The following NEAT1 variants were observed in gnomAD, a reference collection of about 807,000 sequenced individuals.
NEAT1 encodes MENepsilon/beta.
At chr11:65,439,886 A>G (rs998145537) in exon 1 of NEAT1, 3 of 152,204 alleles carry the variant, frequency 2.0e-5, no homozygotes, top group Non-Finnish European at 4.4e-5. Context: ...CTCTTTGTGT[A>G]GAATGTCAGC....
At chr11:65,432,001 G>A (rs1292380924) in exon 1 of NEAT1, 8 of 152,112 alleles carry the variant, frequency 5.3e-5, no homozygotes, top group African/African-American at 1.2e-4. Context: ...CAAATCCAAC[G>A]TTATAAGGTA....
exon 1 of NEAT1, chr11:65,440,976 T>C (rs1046753200): frequency 6.6e-6 from 1 of 151,656 alleles, no homozygotes; most frequent in African/African-American, 2.4e-5. Context: ...GGGTCAGTGG[T>C]CATGAGTGTG....
chr11:65,444,457 T>G, exon 1 of NEAT1: 1 of 472,600 alleles, frequency 2.1e-6, no homozygotes, highest in Non-Finnish European at 4.4e-6. Flanking sequence ...GAGCCTCTGC[T>G]TCCCATCTGG....
At chr11:65,438,154 A>G (rs1364002769) in exon 1 of NEAT1, 1 of 152,152 alleles carries the variant, frequency 6.6e-6, no homozygotes, top group Non-Finnish European at 1.5e-5. Flanking sequence ...AACTTTTTAC[A>G]AAATATGTTG....
exon 1 of NEAT1, chr11:65,432,642 T>A (rs903434495): frequency 1.3e-5 from 2 of 151,782 alleles, no homozygotes; most frequent in Non-Finnish European, 2.9e-5. Flanking sequence ...CAATATTAAC[T>A]TCTTATAATT....
exon 1 of NEAT1, chr11:65,428,251 A>G (rs1161103456): frequency 1.3e-5 from 2 of 152,198 alleles, no homozygotes; most frequent in Non-Finnish European, 2.9e-5. Context: ...AGAATAGCAA[A>G]AGTTGAACTT....
At chr11:65,440,252 C>G (rs1856701577) in exon 1 of NEAT1, 3 of 151,310 alleles carry the variant, frequency 2.0e-5, no homozygotes, top group Admixed American at 2.0e-4. Context: ...ATACTAAGTC[C>G]CTCTGTGATT....
exon 1 of NEAT1, chr11:65,444,452 TCTGCTTCCCATCTGGACC>T (rs1247592906): frequency 2.1e-6 from 1 of 472,268 alleles, no homozygotes; most frequent in African/African-American, 2.0e-5. Context: ...TCTCTGAGCC[TCTGCTTCCCATCTGGACC>T]CTGCTGGGCA....
chr11:65,428,468 A>T (rs1290317093), exon 1 of NEAT1: 1 of 152,082 alleles, frequency 6.6e-6, no homozygotes, highest in Non-Finnish European at 1.5e-5. Flanking sequence ...GTGCAGTGAG[A>T]CCTCTGGAGG....
chr11:65,441,538 CAA>C (rs1856714733), exon 1 of NEAT1: 1 of 152,090 alleles, frequency 6.6e-6, no homozygotes, highest in African/African-American at 2.4e-5. Context: ...GTCAGTTTTT[CAA>C]AGTTATATTA....
chr11:65,424,384 T>G (rs1032483512), exon 1 of NEAT1: 1 of 152,200 alleles, frequency 6.6e-6, no homozygotes, highest in African/African-American at 2.4e-5. Context: ...GAACCTTGCT[T>G]CAAGAAGATC....
chr11:65,434,670 G>T (rs767181188), exon 1 of NEAT1: 4 of 152,164 alleles, frequency 2.6e-5, no homozygotes, highest in Non-Finnish European at 4.4e-5. Flanking sequence ...GTTTCTCAGG[G>T]TAGGTACCAA....
chr11:65,427,208 T>G (rs1856570154), exon 1 of NEAT1: 1 of 152,250 alleles, frequency 6.6e-6, no homozygotes, highest in South Asian at 2.1e-4. Flanking sequence ...TGTTACCTCT[T>G]GGGGTGTAAG....
chr11:65,429,121 T>G (rs1025736673), exon 1 of NEAT1: 2 of 151,646 alleles, frequency 1.3e-5, no homozygotes, highest in African/African-American at 4.8e-5. Context: ...TATTTTCTAG[T>G]TTTTTTTTCC....
exon 1 of NEAT1, chr11:65,426,209 G>A (rs556810834): frequency 1.3e-5 from 2 of 152,078 alleles, no homozygotes; most frequent in Admixed American, 6.5e-5. Context: ...TATTTTTATC[G>A]TTGGGATCTT....
exon 1 of NEAT1, chr11:65,434,964 G>C (rs552917143): frequency 1.2e-3 from 177 of 152,268 alleles, no homozygotes; most frequent in African/African-American, 3.9e-3. Flanking sequence ...GGCCCCCAGG[G>C]TCCAAGACAT....
exon 1 of NEAT1, chr11:65,433,166 C>T (rs1028978360): frequency 6.6e-6 from 1 of 152,112 alleles, no homozygotes; most frequent in Non-Finnish European, 1.5e-5. Context: ...AAGTGTCTTT[C>T]TGGTATAATG....
chr11:65,424,978 T>C (rs2134887216), exon 1 of NEAT1: 1 of 148,562 alleles, frequency 6.7e-6, no homozygotes, highest in African/African-American at 2.5e-5. Context: ...GGGATGAGGG[T>C]GAAGAAGGGG....
At chr11:65,427,327 C>G (rs1433789564) in exon 1 of NEAT1, 4 of 152,422 alleles carry the variant, frequency 2.6e-5, no homozygotes, top group South Asian at 2.1e-4. Context: ...GAGGCTTGTT[C>G]TACTCACCTG....
Sources: gnomAD v4.1 joint callset for allele counts on GRCh38, gnomAD v4.1.1 for gene constraint, MANE v1.5 for transcripts, NCBI Gene and HGNC (gene_info 2026-07-23, HGNC 2026-07-21) for gene names.